Variants in KIAA1217 observed in about 807,000 individuals in gnomAD.
KIAA1217 encodes sickle tail protein homolog.
A neutral mutation model predicts 163.9 loss-of-function variants in KIAA1217; 88 were observed. That is an observed-to-expected ratio of 0.54 (90% confidence interval 0.45 to 0.64). The LOEUF is 0.64. Ranked by LOEUF, KIAA1217 falls within the 30% of genes least tolerant of loss-of-function variation. The pLI, the probability that KIAA1217 is intolerant of heterozygous loss-of-function variation, is 0.00. For missense variants in KIAA1217, 2,372 were observed against 2,475.0 expected (o/e 0.96, Z 0.88); for synonymous variants, 903 against 923.1 (o/e 0.98, Z 0.39).
At chr10:24,156,359 C>T (rs1430481386) in intron 2 of KIAA1217, among the ~76,000 whole-genome samples, 1 of 152,086 alleles carries the variant, frequency 6.6e-6, no homozygotes, top group Non-Finnish European at 1.5e-5. Flanking sequence ...ATCTGTTTAT[C>T]CATTTAAATG....
chr10:23,698,001 T>G (rs1164664875), intron 1 of KIAA1217, among the ~76,000 whole-genome samples: 1 of 152,226 alleles, frequency 6.6e-6, no homozygotes, highest in African/African-American at 2.4e-5. Flanking sequence ...TGGTTTTAGT[T>G]TTTGGAAACT....
intron 2 of KIAA1217, among the ~76,000 whole-genome samples, chr10:24,343,475 G>T (rs1282566728): frequency 6.6e-6 from 1 of 152,092 alleles, no homozygotes; most frequent in Non-Finnish European, 1.5e-5. Flanking sequence ...TTTTTGGGGG[G>T]TATTTTTAGA....
chr10:23,802,858 C>G (rs1269783379), intron 1 of KIAA1217, among the ~76,000 whole-genome samples: 15 of 152,104 alleles, frequency 9.9e-5, no homozygotes, highest in African/African-American at 2.4e-4. Flanking sequence ...AGCATAGTAA[C>G]CATGAAACCA....
At chr10:23,882,392 G>A (rs184192396) in intron 1 of KIAA1217, among the ~76,000 whole-genome samples, 58 of 151,990 alleles carry the variant, frequency 3.8e-4, no homozygotes, top group African/African-American at 1.4e-3. Context: ...ACTTTCTAAA[G>A]CAGATCCCAT....
At chr10:24,449,525 C>G (rs2132248552) in intron 5 of KIAA1217, 1 of 985,284 alleles carries the variant, frequency 1.0e-6, no homozygotes, top group Non-Finnish European at 1.2e-6. Context: ...TCAGAATTAA[C>G]TTTCATAGAG....
intron 17 of KIAA1217, among the ~76,000 whole-genome samples, chr10:24,537,526 G>A (rs1306976114): frequency 6.6e-6 from 1 of 151,350 alleles, no homozygotes; most frequent in African/African-American, 2.4e-5. Context: ...GCAGTGAGCC[G>A]AGATTGCGCC....
At chr10:24,118,399 C>G (rs1294694979) in intron 2 of KIAA1217, among the ~76,000 whole-genome samples, 4 of 152,138 alleles carry the variant, frequency 2.6e-5, no homozygotes, top group Non-Finnish European at 1.5e-5. Context: ...TTCTGCTGAG[C>G]CTAGAAAACC....
chr10:23,876,797 G>T (rs1840718642), intron 1 of KIAA1217, among the ~76,000 whole-genome samples: 2 of 151,916 alleles, frequency 1.3e-5, no homozygotes, highest in South Asian at 4.2e-4. Context: ...GAAAATAAAT[G>T]GTTAGATTTA....
At chr10:23,934,803 G>A (rs192146989) in intron 1 of KIAA1217, among the ~76,000 whole-genome samples, 2,272 of 150,586 alleles carry the variant, frequency 0.015, 67 homozygotes, top group African/African-American at 0.051. Context: ...ATTTTTAGTA[G>A]AGACGGAGTC....
In KIAA1217 at chr10:24,003,405, ATAAT is replaced by A. The variant is rs544848891; in HGVS notation, c.-320-3817_-320-3814del. On this transcript the variant is annotated intron_variant, in intron 1 of 18. Coordinates refer to the KIAA1217 transcript ENST00000376462. ...TGTGGTTTTAATTTGCATTTCACTG[ATAAT>A]TAGTGATGTTGAGCTTTTTTTTATG... Among the ~76,000 whole-genome samples, 1,228 of 152,208 alleles carry A rather than the reference ATAAT, an allele frequency of 8.1e-3. 21 individuals carry two copies. The highest frequency in any genetic ancestry group is 0.029 in the African/African-American group (1,184 of 41,534).
At chr10:24,306,254 G>A (rs951735117) in intron 2 of KIAA1217, among the ~76,000 whole-genome samples, 7 of 152,090 alleles carry the variant, frequency 4.6e-5, no homozygotes, top group Non-Finnish European at 1.0e-4. Context: ...AGTCATCATA[G>A]AAGATGACTG....
In KIAA1217 at chr10:23,704,172, GTATATATATATATATATA is replaced by G. The variant is rs35533445; in HGVS notation, c.-321+8961_-321+8978del. 8.0e-4 allele frequency among the ~76,000 whole-genome samples: 32 copies of G among 39,948 alleles called. 1 individual carries two copies. The highest frequency in any genetic ancestry group is 6.0e-3 in the East Asian group (8 of 1,334). 26.2% of individuals were successfully genotyped at this position (39,948 alleles called of 152,430 possible). Reference sequence around the variant, plus strand: ...TGTGTGTGTGTGTGTGTGTGTGTGTGTATATATATATATATATATATATATATATATATATATATAGTG... The same window carrying G: ...TGTGTGTGTGTGTGTGTGTGTGTGTGTATATATATATATATATATATAGTG... On this transcript the variant is annotated intron_variant, in intron 1 of 18. Coordinates refer to the KIAA1217 transcript ENST00000376462.
At chr10:23,960,522 G>A (rs1844778938) in intron 1 of KIAA1217, among the ~76,000 whole-genome samples, 1 of 152,190 alleles carries the variant, frequency 6.6e-6, no homozygotes, top group African/African-American at 2.4e-5. Flanking sequence ...CTCCCAAAGT[G>A]CTGGGATTAC....
chr10:24,546,304 A>G lies in KIAA1217; in HGVS notation c.5812A>G (p.Thr1938Ala), dbSNP rs1236495016. ...NGSSSKATPS[T>A]AKETS ...AAGTTCAAGCAAAGCCACCCCATCC[A>G]CAGCAAAAGAAACCTCTTAAAGGTC... is the stretch of plus-strand genomic sequence containing the variant. Residue 1938 changes from threonine to alanine, a missense_variant, in exon 21 of 21, where the codon ACA becomes GCA. This residue lies in a region of KIAA1217 where 690 missense variants were observed against 677.5 expected (regional missense o/e 1.02). Transcript: ENST00000376454. 3.1e-6 allele frequency: 5 copies of G among 1,599,972 alleles called. No homozygotes were observed. Among genetic ancestry groups the G allele is most frequent in the Non-Finnish European group, 4.3e-6 (5 of 1,173,220 alleles).
At chr10:23,818,345 T>TAA (rs71472817) in intron 1 of KIAA1217, among the ~76,000 whole-genome samples, 1,800 of 134,732 alleles carry the variant, frequency 0.013, 25 homozygotes, top group African/African-American at 0.035. Flanking sequence ...TATATATATA[T>TAA]AAAAAAATAT....
intron 1 of KIAA1217, among the ~76,000 whole-genome samples, chr10:23,788,373 A>G (rs149676332): frequency 3.6e-4 from 55 of 152,222 alleles, no homozygotes; most frequent in African/African-American, 1.3e-3. Context: ...CAATGGGAGG[A>G]AGTAAGTTGC....
chr10:24,263,833 A>G (rs2075948671), intron 2 of KIAA1217, among the ~76,000 whole-genome samples: 1 of 152,132 alleles, frequency 6.6e-6, no homozygotes, highest in Middle Eastern at 3.4e-3. Context: ...ATAATTATAG[A>G]TACTCTATCA....
intron 1 of KIAA1217, among the ~76,000 whole-genome samples, chr10:23,905,063 C>CTTT (rs562938938): frequency 6.0e-5 from 6 of 99,936 alleles, no homozygotes; most frequent in Admixed American, 1.1e-4. Context: ...TTCTCTTTTC[C>CTTT]TTTTTTTTTT....
At chr10:24,137,972 A>G (rs1180216906) in intron 2 of KIAA1217, among the ~76,000 whole-genome samples, 1 of 152,114 alleles carries the variant, frequency 6.6e-6, no homozygotes, top group Non-Finnish European at 1.5e-5. Context: ...TTATTTTAAA[A>G]TATAAAAATA....
Sources: gnomAD v4.1 joint callset for allele counts (sites outside exome capture counted in the v4.1 genomes callset) on GRCh38, gnomAD v4.1.1 for gene constraint, gnomAD v4.1.1 regional missense constraint, MANE v1.5 for transcripts, NCBI Gene and HGNC (gene_info 2026-07-23, HGNC 2026-07-21) for gene names.